Variants in CUBN observed in about 807,000 individuals in gnomAD.
The protein encoded by CUBN is cubilin.
A neutral mutation model predicts 405.3 loss-of-function variants in CUBN; 282 were observed. The observed-to-expected ratio is 0.70, with a 90% CI of 0.63 to 0.77. CUBN has a LOEUF of 0.77. Among genes scored for constraint, CUBN ranks in the 30% least tolerant of loss-of-function variants. The probability of loss-of-function intolerance (pLI) is 0.00; values close to 1 mark genes in which losing one functional copy is unlikely to be tolerated. For synonymous variants in CUBN, 1,684 were observed against 1,617.0 expected, an observed-to-expected ratio of 1.04 and a Z score of -0.99; for missense variants, 4,514 against 4,475.2, an observed-to-expected ratio of 1.01 and a Z score of -0.25.
chr10:17,071,690 G>T (rs994825752), intron 18 of CUBN, 86 bp from the exon 19 acceptor site: 3 of 1,480,618 alleles, frequency 2.0e-6, no homozygotes, highest in Non-Finnish European at 1.9e-6. Context: ...ACTGCCTGAG[G>T]AGATAACCGA....
chr10:16,894,233 A>AT (rs1335331687), intron 54 of CUBN, among the ~76,000 whole-genome samples: 2 of 151,916 alleles, frequency 1.3e-5, no homozygotes. Flanking sequence ...TTATCATTTT[A>AT]TTTTTTCTCT....
intron 17 of CUBN, among the ~76,000 whole-genome samples, chr10:17,080,715 A>T (rs1835948585): frequency 6.6e-6 from 1 of 152,120 alleles, no homozygotes; most frequent in African/African-American, 2.4e-5. Flanking sequence ...TCAGCCTACA[A>T]CTTCCCTTCT....
At chr10:16,851,502 A>T in intron 59 of CUBN, 59 bp from the exon 60 acceptor site, 1 of 1,456,412 alleles carries the variant, frequency 6.9e-7, no homozygotes, top group Non-Finnish European at 9.6e-7. Flanking sequence ...TACATTGTAC[A>T]TGGAGGGTTT....
At chr10:17,085,823 T>G in intron 15 of CUBN, 64 bp from the exon 16 acceptor site, 1 of 1,414,312 alleles carries the variant, frequency 7.1e-7, no homozygotes, top group East Asian at 2.3e-5. Context: ...TAGGTCACTT[T>G]GGATATTAAC....
intron 17 of CUBN, among the ~76,000 whole-genome samples, chr10:17,080,573 T>A (rs1200465129): frequency 6.6e-6 from 1 of 152,220 alleles, no homozygotes; most frequent in Non-Finnish European, 1.5e-5. Context: ...TTCCTCAGTG[T>A]CTCTGGGGAG....
At chr10:16,833,010 G>C (rs539068937) in intron 64 of CUBN, among the ~76,000 whole-genome samples, 9 of 152,270 alleles carry the variant, frequency 5.9e-5, no homozygotes, top group Non-Finnish European at 8.8e-5. Context: ...GATCCATTCT[G>C]TGGAGTAATG....
intron 40 of CUBN, 82 bp from the exon 41 acceptor site, chr10:16,928,385 T>G: frequency 6.8e-7 from 1 of 1,479,572 alleles, no homozygotes; most frequent in East Asian, 2.3e-5. Flanking sequence ...CCAAAGCAGC[T>G]CACACATTTT....
At chr10:17,015,417 C>A (rs1351476747) in intron 28 of CUBN, among the ~76,000 whole-genome samples, 1 of 152,184 alleles carries the variant, frequency 6.6e-6, no homozygotes, top group African/African-American at 2.4e-5. Context: ...TCAGGCATAA[C>A]AAGAAGGCAT....
chr10:17,088,284 G>C lies in CUBN; in HGVS notation c.1827C>G (p.Asn609Lys), dbSNP rs1197021149. 6.2e-7 allele frequency: 1 copy of C among 1,613,442 alleles called. No individual in the cohort carries two copies. The highest frequency in any genetic ancestry group is 1.7e-5 in the Admixed American group (1 of 60,020). Residue 609 changes from asparagine to lysine, a missense_variant, in exon 15 of 67, where the codon AAC becomes AAG. By Grantham distance (94) the Asn-to-Lys change is moderately conservative. Transcript: ENST00000377833. ...AGACACAATCTCTTCCTGGGGGATA[G>C]TTTCCAGGATACCCCGGAGACTTAA... ...GSIKSPGYPG[N>K]YPPGRDCVWI...
chr10:16,913,686 A>G (rs1450275848), intron 48 of CUBN, 125 bp downstream of exon 48: 13 of 1,070,176 alleles, frequency 1.2e-5, no homozygotes, highest in Non-Finnish European at 1.9e-5. Context: ...CAATACTTAG[A>G]ATTTGTCTGA....
In CUBN at chr10:17,109,621, G is replaced by A; in HGVS notation, c.1111+19C>T. On this transcript the variant is annotated intron_variant, in intron 10 of 66. Coordinates refer to ENST00000377833, the MANE Select transcript of CUBN (RefSeq NM_001081.4). Reference sequence around the variant, plus strand: ...TCATATTACAATACCCAAAGCCAAAGAGAGAGATGAGTCATTACCTAGAGT... The same window carrying A: ...TCATATTACAATACCCAAAGCCAAAAAGAGAGATGAGTCATTACCTAGAGT... 1.3e-6 allele frequency: 2 copies of A among 1,594,936 alleles called. No homozygotes were observed. The highest frequency in any genetic ancestry group is 1.1e-5 in the South Asian group (1 of 90,672).
intron 56 of CUBN, among the ~76,000 whole-genome samples, chr10:16,884,721 C>T (rs183204645): frequency 6.6e-5 from 10 of 152,162 alleles, no homozygotes; most frequent in Admixed American, 6.5e-4. Flanking sequence ...ATGGTAAAAC[C>T]CTCCCTAAGC....
intron 19 of CUBN, 105 bp from the exon 20 acceptor site, chr10:17,068,875 G>T: frequency 1.1e-6 from 1 of 950,364 alleles, no homozygotes; most frequent in Non-Finnish European, 1.6e-6. Context: ...AAATCAATTT[G>T]AGAATACAAT....
At chr10:16,917,132 A>G (rs1841906022) in intron 45 of CUBN, among the ~76,000 whole-genome samples, 1 of 152,120 alleles carries the variant, frequency 6.6e-6, no homozygotes, top group Non-Finnish European at 1.5e-5. Context: ...CTTTTTATCC[A>G]GTGACTGATT....
rs772807506 is a variant in CUBN at position 16,824,895 on chromosome 10, G to A, written c.*80C>T. 23 of 929,486 alleles carry A rather than the reference G, an allele frequency of 2.5e-5. No individual in the cohort carries two copies. The highest frequency in any genetic ancestry group is 4.2e-4 in the Middle Eastern group (2 of 4,780). 57.6% of individuals were successfully genotyped at this position (929,486 alleles called of 1,614,324 possible). ...AGCTTATTCTCTGTGGCATCAGCAG[G>A]GGTCATGTATCAGGATGGCAGAGTG... On this transcript the variant is annotated 3_prime_UTR_variant, in exon 67 of 67. Coordinates refer to ENST00000377833, the MANE Select transcript of CUBN (RefSeq NM_001081.4).
Position 16,831,300 on chromosome 10 carries a change from C to A in CUBN, c.10480G>T (p.Val3494Leu). ...ATTTCATATCCACGATCAGAAGTTA[C>A]ACTATCACTCTTAAATCGTAGGTAT... ...ELYLRFKSDS[V>L]TSDRGYEIIW... Residue 3494 changes from valine to leucine, a missense_variant, in exon 65 of 67, where the codon GTA becomes TTA. By Grantham distance (32) the Val-to-Leu change is conservative (BLOSUM62 1). Coordinates refer to ENST00000377833, the MANE Select transcript of CUBN (RefSeq NM_001081.4). 6.2e-7 allele frequency: 1 copy of A among 1,614,034 alleles called. No individual in the cohort carries two copies. The highest frequency in any genetic ancestry group is 1.1e-5 in the South Asian group (1 of 91,080).
intron 50 of CUBN, among the ~76,000 whole-genome samples, chr10:16,904,809 G>C (rs1841511518): frequency 6.6e-6 from 1 of 152,232 alleles, no homozygotes; most frequent in Non-Finnish European, 1.5e-5. Flanking sequence ...AGATACAGCT[G>C]TTCTGCTTAA....
intron 31 of CUBN, among the ~76,000 whole-genome samples, chr10:16,976,431 C>T (rs1833097761): frequency 6.6e-6 from 1 of 152,164 alleles, no homozygotes; most frequent in Admixed American, 6.5e-5. Flanking sequence ...TACTTTCTAA[C>T]AAGCAATCTG....
At chr10:17,039,836 T>G (rs1156839887) in intron 27 of CUBN, among the ~76,000 whole-genome samples, 1 of 152,146 alleles carries the variant, frequency 6.6e-6, no homozygotes, top group Non-Finnish European at 1.5e-5. Flanking sequence ...TTTGTAAATA[T>G]AAGGCAAAAT....
Sources: allele counts gnomAD v4.1 joint callset (sites outside exome capture counted in the v4.1 genomes callset), GRCh38; gene constraint gnomAD v4.1.1; transcripts MANE v1.5; gene names NCBI Gene and HGNC (gene_info 2026-07-23, HGNC 2026-07-21).